PRKG1: variants seen among roughly 807,000 people sequenced by gnomAD.
PRKG1 encodes cGMP-dependent protein kinase 1.
PRKG1 carries 35 observed loss-of-function variants against 88.1 expected under a neutral mutation model. The observed-to-expected ratio is 0.40, with a 90% CI of 0.30 to 0.53. PRKG1 has a LOEUF of 0.53. Among genes scored for constraint, PRKG1 ranks in the 20% least tolerant of loss-of-function variants. The pLI is 0.59. For synonymous variants in PRKG1, 303 were observed against 292.5 expected (o/e 1.04, Z -0.37); for missense variants, 540 against 839.8 (o/e 0.64, Z 4.41).
rs1213014754 is a variant in PRKG1 at position 51,817,958 on chromosome 10, C to CT, written c.698+13275dup. ...CTTATGTATAAACAACAAGTAATCACTTTTTTTCATTTAAACTGGTATATT... is the reference window on the plus strand; with the variant it reads ...CTTATGTATAAACAACAAGTAATCACTTTTTTTTCATTTAAACTGGTATATT... On this transcript the variant is annotated intron_variant, in intron 4 of 17. Coordinates refer to ENST00000373980, the MANE Select transcript of PRKG1 (RefSeq NM_006258.4). 3.3e-5 allele frequency among the ~76,000 whole-genome samples: 5 copies of CT among 152,212 alleles called. No homozygotes were observed. In the South Asian group the frequency reaches 6.2e-4, roughly 19 times the overall value.
chr10:52,266,678 T>C (rs1293484950), intron 10 of PRKG1, among the ~76,000 whole-genome samples: 2 of 152,150 alleles, frequency 1.3e-5, no homozygotes, highest in African/African-American at 4.8e-5. Flanking sequence ...CATAACACTT[T>C]TATTTAGTTT....
intron 3 of PRKG1, among the ~76,000 whole-genome samples, chr10:51,773,018 A>G (rs1365653565): frequency 6.6e-6 from 1 of 152,124 alleles, no homozygotes; most frequent in Non-Finnish European, 1.5e-5. Flanking sequence ...TCTTTTCAAT[A>G]GAATGGACCA....
At chr10:51,570,677 C>T (rs985847824) in intron 3 of PRKG1, among the ~76,000 whole-genome samples, 4 of 149,940 alleles carry the variant, frequency 2.7e-5, no homozygotes, top group African/African-American at 9.9e-5. Flanking sequence ...CTCTTAATCC[C>T]TAATTTAGAA....
intron 3 of PRKG1, among the ~76,000 whole-genome samples, chr10:51,686,874 T>C (rs1238189151): frequency 5.9e-5 from 9 of 152,166 alleles, no homozygotes; most frequent in African/African-American, 1.9e-4. Context: ...TAGCTGTGAT[T>C]ACAGGTGCCC....
intron 1 of PRKG1, among the ~76,000 whole-genome samples, chr10:51,014,414 G>C (rs910803892): frequency 5.9e-5 from 9 of 151,476 alleles, no homozygotes; most frequent in African/African-American, 2.2e-4. Context: ...TTATGAATCA[G>C]AGTTGTCTTT....
At chr10:51,800,319 C>T (rs931835373) in intron 3 of PRKG1, among the ~76,000 whole-genome samples, 3 of 152,094 alleles carry the variant, frequency 2.0e-5, no homozygotes, top group African/African-American at 4.8e-5. Flanking sequence ...TGCTCCTGGA[C>T]TTGCAATGGG....
intron 5 of PRKG1, among the ~76,000 whole-genome samples, chr10:51,922,488 A>AT (rs1294124866): frequency 1.3e-5 from 2 of 151,650 alleles, no homozygotes; most frequent in African/African-American, 4.8e-5. Context: ...TACAGCTTAG[A>AT]TTATTTATTT....
In PRKG1 at chr10:51,194,376, T is replaced by C. The variant is rs1837708226; in HGVS notation, c.478+41046T>C. On this transcript the variant is annotated intron_variant, in intron 2 of 17. Transcript: ENST00000373980. ...CTGCATTAGGTATTTCTCCTAATGC[T>C]ATCCCTTCCCTAGCACCCAACCCCC... 2.0e-5 allele frequency among the ~76,000 whole-genome samples: 3 copies of C among 152,082 alleles called. No homozygotes were observed. In the South Asian group the frequency reaches 6.2e-4, roughly 32 times the overall value.
chr10:51,403,866 AAAAT>A (rs1251725672), intron 2 of PRKG1, among the ~76,000 whole-genome samples: 4 of 152,192 alleles, frequency 2.6e-5, no homozygotes, highest in African/African-American at 9.6e-5. Flanking sequence ...TATAAAAGAA[AAAAT>A]AAATCTATTT....
intron 2 of PRKG1, among the ~76,000 whole-genome samples, chr10:51,432,656 T>C (rs1838803565): frequency 6.6e-6 from 1 of 152,168 alleles, no homozygotes; most frequent in Non-Finnish European, 1.5e-5. Context: ...GGGGCAGAGC[T>C]CAAGTCATTT....
intron 2 of PRKG1, among the ~76,000 whole-genome samples, chr10:51,276,842 T>G (rs1840135216): frequency 6.6e-6 from 1 of 152,236 alleles, no homozygotes; most frequent in East Asian, 1.9e-4. Context: ...TTTGATTTCA[T>G]TGTAGATTCT....
At chr10:52,200,836 G>A (rs529830044) in intron 9 of PRKG1, among the ~76,000 whole-genome samples, 1 of 152,090 alleles carries the variant, frequency 6.6e-6, no homozygotes, top group East Asian at 1.9e-4. Context: ...TCTTATGCTT[G>A]TTGGCTGCAT....
At chr10:51,949,448 A>G (rs1214235901) in intron 5 of PRKG1, among the ~76,000 whole-genome samples, 2 of 150,592 alleles carry the variant, frequency 1.3e-5, no homozygotes, top group Non-Finnish European at 3.0e-5. Flanking sequence ...CCTCATGTCT[A>G]TAAATAAATA....
intron 4 of PRKG1, among the ~76,000 whole-genome samples, chr10:51,906,280 C>T (rs1343309194): frequency 6.6e-6 from 1 of 152,094 alleles, no homozygotes; most frequent in East Asian, 1.9e-4. Flanking sequence ...CACCTATCAA[C>T]AAAAAGAGTC....
chr10:51,838,246 T>C (rs1240425274), intron 4 of PRKG1, among the ~76,000 whole-genome samples: 1 of 152,232 alleles, frequency 6.6e-6, no homozygotes, highest in African/African-American at 2.4e-5. Context: ...TGTATAGTGA[T>C]CTAAAGATTT....
At chr10:51,562,174 A>G (rs1837481080) in intron 3 of PRKG1, among the ~76,000 whole-genome samples, 1 of 151,716 alleles carries the variant, frequency 6.6e-6, no homozygotes, top group Admixed American at 6.6e-5. Context: ...CAGTGAGCTG[A>G]GATCACGCCA....
At chr10:52,125,313 CTA>C (rs754262109) in intron 7 of PRKG1, among the ~76,000 whole-genome samples, 36 of 152,130 alleles carry the variant, frequency 2.4e-4, no homozygotes, top group Admixed American at 2.0e-3. Flanking sequence ...TGGTGCATGA[CTA>C]TGCATGCTTC....
intron 2 of PRKG1, among the ~76,000 whole-genome samples, chr10:51,346,678 T>G (rs537535318): frequency 1.4e-4 from 22 of 152,360 alleles, no homozygotes; most frequent in African/African-American, 5.1e-4. Context: ...AAGCAATCAC[T>G]TTTTCTGTTA....
intron 2 of PRKG1, among the ~76,000 whole-genome samples, chr10:51,419,890 C>T (rs1588940520): frequency 6.6e-6 from 1 of 151,090 alleles, no homozygotes; most frequent in South Asian, 2.1e-4. Context: ...TAAAGTTCTG[C>T]CCTATCAAAG....
Sources: allele counts gnomAD v4.1 joint callset (sites outside exome capture counted in the v4.1 genomes callset), GRCh38; gene constraint gnomAD v4.1.1; transcripts MANE v1.5; gene names NCBI Gene and HGNC (gene_info 2026-07-23, HGNC 2026-07-21).